The following GNG12 variants were observed in gnomAD, a reference collection of about 807,000 sequenced individuals.
GNG12 encodes the protein G protein subunit gamma 12, also known as guanine nucleotide-binding protein G(I)/G(S)/G(O) subunit gamma-12.
For missense variants in GNG12, 69 were observed against 83.8 expected, an observed-to-expected ratio of 0.82 and a Z score of 0.69; for synonymous variants, 28 against 29.7, an observed-to-expected ratio of 0.94 and a Z score of 0.19.
intron 1 of GNG12, among the ~76,000 whole-genome samples, chr1:67,822,009 A>C (rs1646987612): frequency 6.6e-6 from 1 of 151,464 alleles, no homozygotes; most frequent in Non-Finnish European, 1.5e-5. Flanking sequence ...GCCACACTGG[A>C]AGGGGAAGAA....
intron 1 of GNG12, among the ~76,000 whole-genome samples, chr1:67,809,264 C>A (rs1646910065): frequency 6.6e-6 from 1 of 152,142 alleles, no homozygotes; most frequent in Non-Finnish European, 1.5e-5. Context: ...AGACACAGAC[C>A]TATAGCCTTC....
intron 2 of GNG12, among the ~76,000 whole-genome samples, chr1:67,766,557 A>G (rs1319463623): frequency 6.6e-6 from 1 of 151,504 alleles, no homozygotes; most frequent in Non-Finnish European, 1.5e-5. Flanking sequence ...TTGAGATCAC[A>G]GCTATGGTTT....
At chr1:67,758,663 T>C (rs1033063397) in intron 2 of GNG12, among the ~76,000 whole-genome samples, 4 of 152,216 alleles carry the variant, frequency 2.6e-5, no homozygotes, top group Non-Finnish European at 5.9e-5. Flanking sequence ...GATACAACTA[T>C]AGAACAAACC....
At chr1:67,781,970 A>G (rs1429516724) in intron 1 of GNG12, among the ~76,000 whole-genome samples, 2 of 152,150 alleles carry the variant, frequency 1.3e-5, no homozygotes, top group African/African-American at 4.8e-5. Context: ...TTAAATTTAA[A>G]TACAATTAAA....
At chr1:67,830,160 C>A (rs1334809415) in intron 1 of GNG12, among the ~76,000 whole-genome samples, 1 of 152,170 alleles carries the variant, frequency 6.6e-6, no homozygotes. Context: ...CATGCGCCAT[C>A]ACGCCTGGTT....
intron 2 of GNG12, among the ~76,000 whole-genome samples, chr1:67,761,521 G>A (rs1025467444): frequency 1.3e-5 from 2 of 152,248 alleles, no homozygotes; most frequent in Non-Finnish European, 2.9e-5. Flanking sequence ...TCAATGATGA[G>A]TTACTGTCTA....
At chr1:67,728,492 C>T (rs1252377618) in intron 2 of GNG12, among the ~76,000 whole-genome samples, 1 of 152,138 alleles carries the variant, frequency 6.6e-6, no homozygotes, top group Non-Finnish European at 1.5e-5. Flanking sequence ...GCTTGCTCTT[C>T]AGAACTACTC....
chr1:67,719,728 T>C (rs1166558524), intron 2 of GNG12, among the ~76,000 whole-genome samples: 2 of 152,220 alleles, frequency 1.3e-5, no homozygotes, highest in Non-Finnish European at 2.9e-5. Flanking sequence ...GGGTTTATCA[T>C]ACCTACTGAG....
At chr1:67,706,469 C>T (rs1461558878) in intron 3 of GNG12, among the ~76,000 whole-genome samples, 1 of 151,916 alleles carries the variant, frequency 6.6e-6, no homozygotes, top group Non-Finnish European at 1.5e-5. Context: ...AATATCATGC[C>T]CTGTTTCAGA....
At chr1:67,829,598 C>T (rs956430643) in intron 1 of GNG12, among the ~76,000 whole-genome samples, 2 of 152,182 alleles carry the variant, frequency 1.3e-5, no homozygotes, top group African/African-American at 2.4e-5. Context: ...GCACCAGGCA[C>T]TATTCCAAAT....
intron 1 of GNG12, among the ~76,000 whole-genome samples, chr1:67,795,406 G>A (rs72924715): frequency 6.6e-6 from 1 of 152,122 alleles, no homozygotes; most frequent in Admixed American, 6.6e-5. Context: ...TCTGAACTGC[G>A]AGTCAGAGAC....
At chr1:67,782,354 C>G (rs889544221) in intron 1 of GNG12, among the ~76,000 whole-genome samples, 1 of 152,184 alleles carries the variant, frequency 6.6e-6, no homozygotes, top group Non-Finnish European at 1.5e-5. Context: ...GGTTAAAATG[C>G]TGGCATTTTG....
At chr1:67,708,597 C>G (rs1040287877) in intron 2 of GNG12, among the ~76,000 whole-genome samples, 2 of 152,212 alleles carry the variant, frequency 1.3e-5, no homozygotes, top group African/African-American at 2.4e-5. Context: ...CATCCTGGCC[C>G]TTGCTTTACA....
chr1:67,832,524 T>G (rs1647053187), intron 1 of GNG12: 1 of 152,052 alleles, frequency 6.6e-6, no homozygotes. Context: ...GACAGCGTTT[T>G]AAAGTTAGCT....
chr1:67,782,993 A>T (rs1169589823), intron 1 of GNG12, among the ~76,000 whole-genome samples: 1 of 152,174 alleles, frequency 6.6e-6, no homozygotes, highest in Non-Finnish European at 1.5e-5. Context: ...AACTAATGAG[A>T]TGCAAGTCCT....
intron 2 of GNG12, among the ~76,000 whole-genome samples, chr1:67,760,179 G>C (rs562350841): frequency 6.6e-6 from 1 of 152,264 alleles, no homozygotes; most frequent in African/African-American, 2.4e-5. Context: ...GCCCTGTGAC[G>C]TTCCAGTGAG....
chr1:67,740,143 T>A (rs886154440), intron 2 of GNG12, among the ~76,000 whole-genome samples: 2 of 152,226 alleles, frequency 1.3e-5, no homozygotes, highest in Non-Finnish European at 2.9e-5. Flanking sequence ...GTAAAAAATG[T>A]ATAGTTTTAC....
intron 1 of GNG12, among the ~76,000 whole-genome samples, chr1:67,831,063 G>A (rs1557631174): frequency 6.6e-6 from 1 of 152,084 alleles, no homozygotes; most frequent in Non-Finnish European, 1.5e-5. Flanking sequence ...TTTCATCTAA[G>A]TCTGTCTGAC....
intron 2 of GNG12, among the ~76,000 whole-genome samples, chr1:67,767,692 C>A (rs1173785168): frequency 6.6e-6 from 1 of 152,206 alleles, no homozygotes; most frequent in African/African-American, 2.4e-5. Context: ...AAATAATACA[C>A]AATTTTCTCC....
Sources: gnomAD v4.1 joint callset for allele counts (sites outside exome capture counted in the v4.1 genomes callset) on GRCh38, gnomAD v4.1.1 for gene constraint, MANE v1.5 for transcripts, NCBI Gene and HGNC (gene_info 2026-07-23, HGNC 2026-07-21) for gene names.